LRMDA: variants seen among roughly 807,000 people sequenced by gnomAD.
LRMDA encodes leucine-rich melanocyte differentiation-associated protein.
A neutral mutation model predicts 29.8 loss-of-function variants in LRMDA; 18 were observed. That is an observed-to-expected ratio of 0.60 (90% CI 0.42 to 0.90). The LOEUF (loss-of-function observed/expected upper bound fraction) is 0.90. Ranked by LOEUF, LRMDA falls within the 40% of genes least tolerant of loss-of-function variation. LRMDA has a pLI of 0.00. For missense variants in LRMDA, 273 were observed against 273.9 expected (o/e 1.00, Z 0.02); for synonymous variants, 125 against 109.4 (o/e 1.14, Z -0.89).
intron 2 of LRMDA, among the ~76,000 whole-genome samples, chr10:75,564,230 G>A (rs1002989867): frequency 6.6e-6 from 1 of 152,170 alleles, no homozygotes; most frequent in African/African-American, 2.4e-5. Context: ...AGCAAGCCTG[G>A]GCAATGGTGG....
At chr10:75,943,303 G>A (rs995795074) in intron 2 of LRMDA, among the ~76,000 whole-genome samples, 1 of 152,076 alleles carries the variant, frequency 6.6e-6, no homozygotes, top group Non-Finnish European at 1.5e-5. Flanking sequence ...TCATGGAGGA[G>A]CTTTATAAAC....
intron 6 of LRMDA, among the ~76,000 whole-genome samples, chr10:76,353,704 C>A (rs958157213): frequency 6.6e-6 from 1 of 152,062 alleles, no homozygotes; most frequent in Admixed American, 6.6e-5. Flanking sequence ...CTCTGAAGTT[C>A]GATTCTTTAG....
At chr10:76,545,050 C>T (rs1843402829) in intron 6 of LRMDA, among the ~76,000 whole-genome samples, 1 of 152,106 alleles carries the variant, frequency 6.6e-6, no homozygotes, top group African/African-American at 2.4e-5. Context: ...CAGGTGGAGG[C>T]TGGACCAATG....
chr10:76,083,746 A>G (rs1181082400), intron 5 of LRMDA, among the ~76,000 whole-genome samples: 1 of 151,616 alleles, frequency 6.6e-6, no homozygotes, highest in African/African-American at 2.4e-5. Context: ...AGGCAGGAGA[A>G]TCACTTGAAC....
intron 2 of LRMDA, among the ~76,000 whole-genome samples, chr10:76,001,343 T>C (rs948590789): frequency 6.6e-6 from 1 of 152,184 alleles, no homozygotes; most frequent in Non-Finnish European, 1.5e-5. Flanking sequence ...CCTTTGAACA[T>C]CCTGAGCACT....
At chr10:76,068,522 A>G (rs977601075) in intron 5 of LRMDA, among the ~76,000 whole-genome samples, 2 of 152,262 alleles carry the variant, frequency 1.3e-5, no homozygotes, top group Non-Finnish European at 2.9e-5. Context: ...CCTCACATGC[A>G]CAGTTCACAA....
At chr10:76,236,739 A>G (rs1284589239) in intron 5 of LRMDA, among the ~76,000 whole-genome samples, 2 of 152,232 alleles carry the variant, frequency 1.3e-5, no homozygotes, top group African/African-American at 4.8e-5. Context: ...TATTATGGTC[A>G]CAAGCCCTTA....
At chr10:76,419,369 A>G (rs746125501) in intron 6 of LRMDA, among the ~76,000 whole-genome samples, 3 of 151,994 alleles carry the variant, frequency 2.0e-5, no homozygotes, top group Non-Finnish European at 4.4e-5. Context: ...GCTTTTTTTC[A>G]GTTGGTAATA....
chr10:75,556,086 G>A (rs1472642558), intron 2 of LRMDA, among the ~76,000 whole-genome samples: 2 of 152,104 alleles, frequency 1.3e-5, no homozygotes, highest in African/African-American at 4.8e-5. Context: ...TCATAGGATG[G>A]GGTGGGGGTG....
At chr10:75,575,380 C>A (rs935242258) in intron 2 of LRMDA, among the ~76,000 whole-genome samples, 4 of 152,146 alleles carry the variant, frequency 2.6e-5, no homozygotes, top group Non-Finnish European at 5.9e-5. Context: ...AATCCAGAGT[C>A]TCATTTGAGA....
rs1360574456 is a variant in LRMDA, at chr10:76,497,598, T to C, written c.602-59611T>C. On this transcript the variant is annotated intron_variant, in intron 6 of 6. Coordinates refer to ENST00000611255, the MANE Select transcript of LRMDA (RefSeq NM_001305581.2). ...TATTCTCTTCCCCCTATTTCAGTTC[T>C]CTTTTTGAAGAGGAAACCAACCAAC... is the stretch of plus-strand genomic sequence containing the variant. Among the ~76,000 whole-genome samples, 25 of 75,932 alleles carry C rather than the reference T, an allele frequency of 3.3e-4. 8 individuals carry two copies. The highest frequency in any genetic ancestry group is 5.8e-4 in the African/African-American group (18 of 31,216). 49.8% of individuals were successfully genotyped at this position (75,932 alleles called of 152,430 possible).
At chr10:75,545,286 A>T (rs1313193323) in intron 2 of LRMDA, among the ~76,000 whole-genome samples, 3 of 152,124 alleles carry the variant, frequency 2.0e-5, no homozygotes, top group Non-Finnish European at 4.4e-5. Context: ...AGAAACTACA[A>T]TCTGTTAATC....
chr10:76,220,188 T>G (rs1163017237), intron 5 of LRMDA, among the ~76,000 whole-genome samples: 1 of 152,024 alleles, frequency 6.6e-6, no homozygotes, highest in African/African-American at 2.4e-5. Flanking sequence ...ATTGACACCC[T>G]AACATCACAA....
At chr10:75,863,610 C>T (rs113445334) in intron 2 of LRMDA, among the ~76,000 whole-genome samples, 1,717 of 152,286 alleles carry the variant, frequency 0.011, 27 homozygotes, top group African/African-American at 0.037. Context: ...TTTATACAAC[C>T]TCATAAAGTT....
At chr10:76,128,813 C>A (rs1167924486) in intron 5 of LRMDA, among the ~76,000 whole-genome samples, 2 of 152,132 alleles carry the variant, frequency 1.3e-5, no homozygotes, top group Non-Finnish European at 2.9e-5. Flanking sequence ...GGGAGGCAAT[C>A]ATTAAAGACG....
At chr10:76,529,673 C>G (rs1428970638) in intron 6 of LRMDA, among the ~76,000 whole-genome samples, 1 of 152,128 alleles carries the variant, frequency 6.6e-6, no homozygotes, top group Non-Finnish European at 1.5e-5. Context: ...TGGCAAAGAA[C>G]ATGTTCCTCA....
At chr10:76,330,305 A>G (rs1840888963) in intron 6 of LRMDA, among the ~76,000 whole-genome samples, 1 of 152,190 alleles carries the variant, frequency 6.6e-6, no homozygotes, top group African/African-American at 2.4e-5. Flanking sequence ...AACTAGTTTT[A>G]TGCTTATGTT....
At chr10:76,291,624 T>C (rs547969567) in intron 5 of LRMDA, among the ~76,000 whole-genome samples, 1 of 152,320 alleles carries the variant, frequency 6.6e-6, no homozygotes, top group Non-Finnish European at 1.5e-5. Flanking sequence ...GCATTAATGC[T>C]CTTAAGTGGA....
chr10:76,050,967 G>A (rs561927961), intron 4 of LRMDA, among the ~76,000 whole-genome samples: 1 of 152,136 alleles, frequency 6.6e-6, no homozygotes, highest in African/African-American at 2.4e-5. Flanking sequence ...CCAGTCTCTG[G>A]TTGGCCTTGC....
Sources: allele counts gnomAD v4.1 joint callset (sites outside exome capture counted in the v4.1 genomes callset), GRCh38; gene constraint gnomAD v4.1.1; transcripts MANE v1.5; gene names NCBI Gene and HGNC (gene_info 2026-07-23, HGNC 2026-07-21).